Variants in DKK2 observed in about 807,000 individuals in gnomAD.
DKK2 encodes dickkopf Wnt signaling pathway inhibitor 2.
Under a neutral mutation model 28.1 loss-of-function variants are expected in DKK2, and 11 were observed. The ratio of observed to expected loss-of-function variants is 0.39; its 90% CI spans 0.25 to 0.65. The LOEUF (loss-of-function observed/expected upper bound fraction) is 0.65, where lower values mean the gene tolerates loss of function less well. DKK2 is among the 30% of genes least tolerant of loss of function. DKK2 has a pLI of 0.47. For missense variants in DKK2, 326 were observed against 335.5 expected (o/e 0.97, Z 0.22); for synonymous variants, 135 against 126.5 (o/e 1.07, Z -0.45).
intron 1 of DKK2, among the ~76,000 whole-genome samples, chr4:106,929,407 CA>C (rs1724469296): frequency 1.3e-5 from 2 of 152,148 alleles, no homozygotes; most frequent in Admixed American, 6.6e-5. Context: ...AACTGCCCCA[CA>C]ATTGAATCAT....
intron 1 of DKK2, among the ~76,000 whole-genome samples, chr4:107,031,842 T>A (rs907592231): frequency 5.9e-5 from 9 of 151,922 alleles, no homozygotes; most frequent in African/African-American, 1.9e-4. Flanking sequence ...GTAGTTTGGG[T>A]TTTTAAAATT....
rs113235784 is a variant in DKK2 at position 106,978,956 on chromosome 4, C to G, written c.223-53007G>C. 7.2e-3 allele frequency among the ~76,000 whole-genome samples: 1,092 copies of G among 152,160 alleles called. 16 individuals are homozygous for G. Among genetic ancestry groups the G allele is most frequent in the African/African-American group, 0.022 (928 of 41,504 alleles). ...TGTGGGAAAAGCATAGTGTCTGGGC[C>G]GGAATGCACCACTCCTCACAGCACA... On this transcript the variant is annotated intron_variant, in intron 1 of 3. Coordinates refer to ENST00000285311, the MANE Select transcript of DKK2 (RefSeq NM_014421.3).
intron 1 of DKK2, among the ~76,000 whole-genome samples, chr4:106,990,635 C>G (rs1723189652): frequency 6.6e-6 from 1 of 152,102 alleles, no homozygotes; most frequent in Admixed American, 6.6e-5. Context: ...AATATGATGT[C>G]ATTGAACACA....
intron 1 of DKK2, among the ~76,000 whole-genome samples, chr4:107,014,953 C>T (rs1045513063): frequency 1.3e-5 from 2 of 151,430 alleles, no homozygotes; most frequent in Non-Finnish European, 3.0e-5. Flanking sequence ...TTAATCTACC[C>T]TAATTTATAT....
intron 1 of DKK2, among the ~76,000 whole-genome samples, chr4:107,035,053 T>C (rs370894502): frequency 1.3e-5 from 2 of 152,202 alleles, no homozygotes; most frequent in East Asian, 3.9e-4. Context: ...CTTCATCAGT[T>C]GCATCACAGT....
intron 1 of DKK2, among the ~76,000 whole-genome samples, chr4:107,024,895 A>T (rs1490583824): frequency 6.6e-6 from 1 of 152,228 alleles, no homozygotes. Context: ...CACCTTCAAC[A>T]GTATGTTCTT....
In DKK2 at chr4:106,923,783, T is replaced by C; in HGVS notation, c.*171A>G. On this transcript the variant is annotated 3_prime_UTR_variant, in exon 4 of 4. Transcript: ENST00000285311. ...TGGCTGCACTGCATTTGTCACCCATTCTAATCTATTCAGTTCATGTTTTCT... is the reference window on the plus strand; with the variant it reads ...TGGCTGCACTGCATTTGTCACCCATCCTAATCTATTCAGTTCATGTTTTCT... 1 of 876,114 alleles carries C rather than the reference T, an allele frequency of 1.1e-6. No homozygotes were observed. The highest frequency in any genetic ancestry group is 1.7e-6 in the Non-Finnish European group (1 of 589,418). 54.3% of individuals were successfully genotyped at this position (876,114 alleles called of 1,614,324 possible).
intron 1 of DKK2, among the ~76,000 whole-genome samples, chr4:106,962,951 T>C (rs985392940): frequency 6.6e-6 from 1 of 152,148 alleles, no homozygotes; most frequent in Non-Finnish European, 1.5e-5. Context: ...AAGAGGCTAC[T>C]CAGGAGGCTG....
chr4:106,940,003 A>G (rs566383787), intron 1 of DKK2, among the ~76,000 whole-genome samples: 3 of 152,160 alleles, frequency 2.0e-5, no homozygotes, highest in Non-Finnish European at 4.4e-5. Flanking sequence ...AACCATAAAA[A>G]CCCTAGAAGA....
chr4:106,979,654 T>C (rs1383823547), intron 1 of DKK2, among the ~76,000 whole-genome samples: 3 of 152,234 alleles, frequency 2.0e-5, no homozygotes, highest in African/African-American at 7.2e-5. Flanking sequence ...CACATCACTC[T>C]GGGACAGTGT....
At chr4:107,005,071 G>A (rs1052481246) in intron 1 of DKK2, among the ~76,000 whole-genome samples, 3 of 152,024 alleles carry the variant, frequency 2.0e-5, no homozygotes, top group Admixed American at 6.5e-5. Context: ...ATAAGAGTGC[G>A]GTGGCTCACG....
At chr4:107,027,005 G>C (rs1417462124) in intron 1 of DKK2, among the ~76,000 whole-genome samples, 1 of 152,110 alleles carries the variant, frequency 6.6e-6, no homozygotes, top group Non-Finnish European at 1.5e-5. Flanking sequence ...GATAATTGTA[G>C]AGAAATAAGT....
At chr4:107,018,228 T>C (rs1723638271) in intron 1 of DKK2, among the ~76,000 whole-genome samples, 1 of 152,002 alleles carries the variant, frequency 6.6e-6, no homozygotes, top group Non-Finnish European at 1.5e-5. Context: ...TACTTCCCAA[T>C]GGAGGAGAGT....
At chr4:107,025,745 A>C (rs557890978) in intron 1 of DKK2, among the ~76,000 whole-genome samples, 8 of 152,314 alleles carry the variant, frequency 5.3e-5, no homozygotes, top group Admixed American at 5.2e-4. Context: ...CCTTTCATTA[A>C]TTTTGTTTAA....
Position 107,027,756 on chromosome 4 carries a change from A to ATTTTTTTTTTTTTTTTTTTTTTTT in DKK2, c.222+7613_222+7614insAAAAAAAAAAAAAAAAAAAAAAAA, listed in dbSNP as rs71590176. On this transcript the variant is annotated intron_variant, in intron 1 of 3. Coordinates refer to ENST00000285311, the MANE Select transcript of DKK2 (RefSeq NM_014421.3). Reference sequence around the variant, plus strand: ...TTGCTTATGACCTCCACCTATTATGATTTTTTTTTTTTTGAGACAGAGTCT... The same window carrying ATTTTTTTTTTTTTTTTTTTTTTTT: ...TTGCTTATGACCTCCACCTATTATGATTTTTTTTTTTTTTTTTTTTTTTTTTTTTTTTTTTTTGAGACAGAGTCT... Among the ~76,000 whole-genome samples the ATTTTTTTTTTTTTTTTTTTTTTTT allele has an allele frequency of 1.8e-4, 24 of 135,312 alleles. 1 individual carries two copies. Among genetic ancestry groups the ATTTTTTTTTTTTTTTTTTTTTTTT allele is most frequent in the African/African-American group, 6.1e-4 (22 of 36,348 alleles). 88.8% of individuals were successfully genotyped at this position (135,312 alleles called of 152,430 possible). A position where few individuals can be genotyped will look rare whatever the true frequency, so the allele number is the denominator to read the frequency against.
intron 1 of DKK2, among the ~76,000 whole-genome samples, chr4:106,994,054 C>T (rs1033265430): frequency 2.0e-5 from 3 of 152,268 alleles, no homozygotes; most frequent in East Asian, 1.9e-4. Context: ...CCTTATCTAG[C>T]GGTTGAAGTA....
chr4:106,999,377 C>T lies in DKK2; in HGVS notation c.222+35993G>A, dbSNP rs1578373243. Among the ~76,000 whole-genome samples the T allele has an allele frequency of 3.9e-5, 6 of 152,154 alleles. No individual in the cohort carries two copies. In the South Asian group the frequency reaches 1.2e-3, roughly 31 times the overall value. On this transcript the variant is annotated intron_variant, in intron 1 of 3. Coordinates refer to ENST00000285311, the MANE Select transcript of DKK2 (RefSeq NM_014421.3). ...TTTTTTTCTTTTTTTGAGACGGAGT[C>T]TCTCTCTGTCCCAGGCTGGAGTGCA...
At chr4:107,002,202 CA>C (rs2110365552) in intron 1 of DKK2, among the ~76,000 whole-genome samples, 2 of 152,314 alleles carry the variant, frequency 1.3e-5, no homozygotes, top group South Asian at 4.1e-4. Flanking sequence ...GAACTAACTG[CA>C]AGACTGTTTC....
chr4:107,010,233 CTCA>C (rs1251958304), intron 1 of DKK2, among the ~76,000 whole-genome samples: 1 of 151,600 alleles, frequency 6.6e-6, no homozygotes, highest in African/African-American at 2.4e-5. Flanking sequence ...TGGTTGAAGC[CTCA>C]TCAACTTAAA....
Sources: gnomAD v4.1 joint callset for allele counts (sites outside exome capture counted in the v4.1 genomes callset) on GRCh38, gnomAD v4.1.1 for gene constraint, MANE v1.5 for transcripts, NCBI Gene and HGNC (gene_info 2026-07-23, HGNC 2026-07-21) for gene names.